Variants in SNX14 observed in about 807,000 individuals in gnomAD.
SNX14 encodes the protein sorting nexin 14.
A neutral mutation model predicts 133.8 loss-of-function variants in SNX14; 93 were observed. The observed-to-expected ratio is 0.70, with a 90% CI of 0.59 to 0.83. The LOEUF (loss-of-function observed/expected upper bound fraction) is 0.83, where lower values mean the gene tolerates loss of function less well. Ranked by LOEUF, SNX14 falls within the 40% of genes least tolerant of loss-of-function variation. SNX14 has a pLI of 0.00. For missense variants in SNX14, 945 were observed against 1,094.9 expected (o/e 0.86, Z 1.93); for synonymous variants, 368 against 365.6 (o/e 1.01, Z -0.07).
At chr6:85,558,778 A>G (rs1225304942) in intron 6 of SNX14, among the ~76,000 whole-genome samples, 1 of 152,046 alleles carries the variant, frequency 6.6e-6, no homozygotes, top group Non-Finnish European at 1.5e-5. Context: ...CCCAGCATGA[A>G]TCCTGGTTTC....
intron 9 of SNX14, 53 bp from the exon 10 acceptor site, chr6:85,547,603 C>A: frequency 7.3e-7 from 1 of 1,374,274 alleles, no homozygotes; most frequent in South Asian, 1.4e-5. Context: ...TGTATTCTCC[C>A]CAGAATTCTC....
At chr6:85,539,259 C>T (rs920898380) in intron 15 of SNX14, among the ~76,000 whole-genome samples, 2 of 152,114 alleles carry the variant, frequency 1.3e-5, no homozygotes, top group African/African-American at 4.8e-5. Flanking sequence ...CCATTTCTTT[C>T]ATGCAGTGGA....
chr6:85,513,593 C>T (rs974007823), intron 26 of SNX14, among the ~76,000 whole-genome samples: 2 of 152,172 alleles, frequency 1.3e-5, no homozygotes, highest in African/African-American at 4.8e-5. Flanking sequence ...TGAGTAGAAA[C>T]AGCCTTGCCT....
At chr6:85,542,191 T>G in intron 14 of SNX14, 148 bp from the exon 15 acceptor site, 1 of 526,592 alleles carries the variant, frequency 1.9e-6, no homozygotes, top group East Asian at 3.2e-5. Context: ...AGGGTAAGGA[T>G]GAAAATATTG....
At chr6:85,513,374 C>G (rs1773622575) in intron 26 of SNX14, among the ~76,000 whole-genome samples, 1 of 152,210 alleles carries the variant, frequency 6.6e-6, no homozygotes, top group Non-Finnish European at 1.5e-5. Context: ...CTGACCTACT[C>G]AAGTGCATTT....
chr6:85,535,289 A>G (rs1781568398), intron 17 of SNX14, among the ~76,000 whole-genome samples: 1 of 151,874 alleles, frequency 6.6e-6, no homozygotes, highest in Non-Finnish European at 1.5e-5. Flanking sequence ...TACTGAGATT[A>G]CAAATATGAG....
chr6:85,543,542 C>A, intron 13 of SNX14, 63 bp downstream of exon 13: 1 of 1,383,822 alleles, frequency 7.2e-7, no homozygotes, highest in Non-Finnish European at 9.8e-7. Flanking sequence ...CAATAATAAA[C>A]AGAAAATAAA....
At position 85,543,377 on chromosome 6, in the gene SNX14, C is replaced by T. The variant is rs374182974; in HGVS notation, c.1265-71G>A. 2.2e-4 allele frequency: 302 copies of T among 1,344,942 alleles called. 3 individuals are homozygous for T. In the South Asian group the frequency reaches 4.6e-3, roughly 21 times the overall value. 83.3% of individuals were successfully genotyped at this position (1,344,942 alleles called of 1,614,324 possible). On this transcript the variant is annotated intron_variant, in intron 13 of 28. Coordinates refer to ENST00000314673, the MANE Select transcript of SNX14 (RefSeq NM_153816.6). ...ATATATACAGTTCTAAAACGTTTTA[C>T]TGAAACTCCACTGAAACACACTAGA...
chr6:85,576,835 CTGAG>C (rs1345425302), intron 1 of SNX14, among the ~76,000 whole-genome samples: 2 of 152,044 alleles, frequency 1.3e-5, no homozygotes, highest in Non-Finnish European at 2.9e-5. Flanking sequence ...ATCAAGAGTC[CTGAG>C]TAATACCTAT....
intron 18 of SNX14, among the ~76,000 whole-genome samples, chr6:85,533,155 G>A (rs1020446495): frequency 1.3e-5 from 2 of 152,182 alleles, no homozygotes; most frequent in Admixed American, 1.3e-4. Context: ...CCAAAGTACT[G>A]AGATTACAGG....
chr6:85,574,363 TAA>T lies in SNX14; in HGVS notation c.154_155del (p.Leu52AsnfsTer20). On this transcript the variant is annotated frameshift_variant, in exon 2 of 29. Coordinates refer to ENST00000314673, the MANE Select transcript of SNX14 (RefSeq NM_153816.6). LOFTEE classifies it high-confidence loss of function. ...CAGCAACAAATGACCAGAAGATCAT[TAA>T]AATATGAATATACCTTAAAAATAAA... ...SLLLNRYIHILMIFWSFVAGV... is the reference protein window; with the variant it reads ...SLLLNRYIHIXMIFWSFVAGV... The T allele has an allele frequency of 6.4e-7, 1 of 1,560,938 alleles. No homozygotes were observed. Among genetic ancestry groups the T allele is most frequent in the Non-Finnish European group, 8.8e-7 (1 of 1,139,486 alleles).
At chr6:85,559,602 T>C (rs892052812) in intron 6 of SNX14, among the ~76,000 whole-genome samples, 5 of 152,232 alleles carry the variant, frequency 3.3e-5, no homozygotes, top group Non-Finnish European at 5.9e-5. Context: ...CCTAATCTTT[T>C]GCCCATTAAC....
intron 1 of SNX14, among the ~76,000 whole-genome samples, chr6:85,578,906 C>T (rs1218528342): frequency 2.0e-5 from 3 of 152,040 alleles, no homozygotes; most frequent in Admixed American, 6.6e-5. Context: ...AAGGCTGAGG[C>T]GGGCGGATCA....
intron 5 of SNX14, among the ~76,000 whole-genome samples, chr6:85,566,023 C>T (rs1017535800): frequency 2.6e-5 from 4 of 152,182 alleles, no homozygotes; most frequent in African/African-American, 4.8e-5. Flanking sequence ...AACTCAAAGA[C>T]GGTGTTGTTA....
intron 8 of SNX14, 61 bp from the exon 9 acceptor site, chr6:85,548,437 C>T: frequency 8.0e-7 from 1 of 1,250,932 alleles, no homozygotes; most frequent in Middle Eastern, 2.6e-4. Flanking sequence ...TCTTAACTTT[C>T]AAGTGCATGT....
At chr6:85,509,995 G>T in intron 26 of SNX14, among the ~76,000 whole-genome samples, 1 of 152,090 alleles carries the variant, frequency 6.6e-6, no homozygotes, top group East Asian at 1.9e-4. Context: ...TTATAGCACT[G>T]AATAATATCC....
At chr6:85,523,489 G>A (rs944092187) in intron 21 of SNX14, among the ~76,000 whole-genome samples, 6 of 152,150 alleles carry the variant, frequency 3.9e-5, no homozygotes, top group South Asian at 4.1e-4. Context: ...AAAAACATGT[G>A]TAAGGCAGGG....
In SNX14 at chr6:85,572,870, G is replaced by C. The variant is rs755252645; in HGVS notation, c.262-496C>G. On this transcript the variant is annotated intron_variant, in intron 2 of 28. Transcript: ENST00000314673. The stretch of plus-strand genomic sequence containing the variant: ...GCTACCCAGGAGGCTGAGGTGGGAG[G>C]ATCACCTGAGCTCAGGAGTTTGAGG... Among the ~76,000 whole-genome samples the C allele has an allele frequency of 5.3e-5, 8 of 152,042 alleles. 1 individual carries two copies. The highest frequency in any genetic ancestry group is 1.2e-4 in the Non-Finnish European group (8 of 68,002).
intron 12 of SNX14, among the ~76,000 whole-genome samples, chr6:85,544,570 A>G (rs1784885737): frequency 6.6e-6 from 1 of 152,154 alleles, no homozygotes; most frequent in Non-Finnish European, 1.5e-5. Context: ...AGGCTGAGGC[A>G]GGAGGATCGC....
Sources: allele counts gnomAD v4.1 joint callset (sites outside exome capture counted in the v4.1 genomes callset), GRCh38; gene constraint gnomAD v4.1.1; transcripts MANE v1.5; gene names NCBI Gene and HGNC (gene_info 2026-07-23, HGNC 2026-07-21).